The following BRSK1 variants were observed in gnomAD, a reference collection of about 807,000 sequenced individuals.
BRSK1 encodes the protein BR serine/threonine kinase 1.
Under a neutral mutation model 86.2 loss-of-function variants are expected in BRSK1, and 17 were observed. That is an observed-to-expected ratio of 0.20 (90% CI 0.14 to 0.30). The LOEUF is 0.30. BRSK1 is among the 10% of genes least tolerant of loss of function. The pLI is 1.00. For missense variants in BRSK1, 719 were observed against 1,071.9 expected, an observed-to-expected ratio of 0.67 and a Z score of 4.60; for synonymous variants, 464 against 440.1, an observed-to-expected ratio of 1.05 and a Z score of -0.68.
intron 7 of BRSK1, among the ~76,000 whole-genome samples, chr19:55,300,026 C>T (rs895828573): frequency 1.3e-5 from 2 of 152,248 alleles, no homozygotes; most frequent in African/African-American, 2.4e-5. Flanking sequence ...CCTCCCGTCC[C>T]GTATGATACG....
chr19:55,284,203 C>T lies in BRSK1; in HGVS notation c.-240C>T, dbSNP rs1194471862. 4.0e-6 allele frequency: 3 copies of T among 759,394 alleles called. No homozygotes were observed. Among genetic ancestry groups the T allele is most frequent in the South Asian group, 6.6e-5 (1 of 15,172 alleles). The allele number at this position is 759,394 out of a possible 1,614,324, so 47.0% of individuals were successfully genotyped here. On this transcript the variant is annotated 5_prime_UTR_variant, in exon 1 of 19. Coordinates refer to ENST00000309383, the MANE Select transcript of BRSK1 (RefSeq NM_032430.2). Reference sequence around the variant, plus strand: ...GAAACGGGCTGGGGAGGGGGGGCCCCGCAGCCCCCCTGGGCCATGCTGACT... The same window carrying T: ...GAAACGGGCTGGGGAGGGGGGGCCCTGCAGCCCCCCTGGGCCATGCTGACT...
Position 55,301,941 on chromosome 19 carries a change from G to A in BRSK1, c.826-196G>A, listed in dbSNP as rs896309667. ...TGCGGCAAAGTAATGCGGCCGGTCCGGGGTACACGGAGACCGCGCGTGCGC... is the reference window on the plus strand; with the variant it reads ...TGCGGCAAAGTAATGCGGCCGGTCCAGGGTACACGGAGACCGCGCGTGCGC... On this transcript the variant is annotated intron_variant, in intron 8 of 18. Transcript: ENST00000309383. 29 of 822,978 alleles carry A rather than the reference G, an allele frequency of 3.5e-5. No homozygotes were observed. In the South Asian group the frequency reaches 4.1e-4, roughly 12 times the overall value. The allele number at this position is 822,978 out of a possible 1,614,324, so 51.0% of individuals were successfully genotyped here.
Position 55,302,774 on chromosome 19 carries a change from A to G in BRSK1, c.935A>G (p.Asn312Ser). 6.2e-7 allele frequency: 1 copy of G among 1,613,814 alleles called. No homozygotes were observed. The highest frequency in any genetic ancestry group is 8.5e-7 in the Non-Finnish European group (1 of 1,179,948). Residue 312 changes from asparagine (N) to serine (S), a missense_variant, in exon 10 of 19, where the codon AAC becomes AGC. Transcript: ENST00000309383. This position sits in a 1 kb window ranked among gnomAD's most constrained non-coding sequence, Gnocchi z 6.3. ...RRVAMRSLPSNGELDPDVLES... is the reference protein window; with the variant it reads ...RRVAMRSLPSSGELDPDVLES... ...GTAGCCATGCGGAGCCTGCCATCCA[A>G]CGGAGAGCTGGACCCCGACGTCCTA...
chr19:55,308,077 A>G (rs1266269431), intron 17 of BRSK1, among the ~76,000 whole-genome samples: 2 of 149,288 alleles, frequency 1.3e-5, no homozygotes, highest in South Asian at 2.1e-4. Context: ...CTGGAGTGCA[A>G]TGGCGTGATC....
At chr19:55,296,295 C>T (rs1235027840) in intron 7 of BRSK1, among the ~76,000 whole-genome samples, 2 of 152,160 alleles carry the variant, frequency 1.3e-5, no homozygotes, top group Admixed American at 6.5e-5. Flanking sequence ...AGGTCAGGGC[C>T]GATGTCTGGG....
At position 55,287,165 on chromosome 19, in the gene BRSK1, G is replaced by T. The variant is rs571400619; in HGVS notation, c.232-49G>T. 7.4e-6 allele frequency: 12 copies of T among 1,612,162 alleles called. No homozygotes were observed. In the South Asian group the frequency reaches 1.2e-4, roughly 16 times the overall value. ...GCCTCCGGGGCTGAGGGCAGGGGCG[G>T]GGCCGTGCTGACCTCTTTTCCCGTG... On this transcript the variant is annotated intron_variant, in intron 2 of 18. Transcript: ENST00000309383. The surrounding 1 kb of genome is among the most constrained non-coding windows in gnomAD (Gnocchi z 5.3).
At chr19:55,300,217 G>A (rs1210285936) in intron 7 of BRSK1, among the ~76,000 whole-genome samples, 1 of 152,144 alleles carries the variant, frequency 6.6e-6, no homozygotes, top group Non-Finnish European at 1.5e-5. Context: ...GCAGGATGTG[G>A]TGGGGTCTAT....
At chr19:55,296,690 C>CA (rs1383620889) in intron 7 of BRSK1, among the ~76,000 whole-genome samples, 2 of 151,788 alleles carry the variant, frequency 1.3e-5, no homozygotes, top group Admixed American at 1.3e-4. Context: ...ACTAAAAATA[C>CA]AAAAAAAATT....
chr19:55,303,361 G>A lies in BRSK1; in HGVS notation c.1079G>A (p.Arg360Gln). 6.2e-7 allele frequency: 1 copy of A among 1,613,976 alleles called. No homozygotes were observed. The highest frequency in any genetic ancestry group is 8.5e-7 in the Non-Finnish European group (1 of 1,180,000). ...IYYLLLDRKERYPSCEDQDLP... is the reference protein window; with the variant it reads ...IYYLLLDRKEQYPSCEDQDLP... The stretch of plus-strand genomic sequence containing the variant: ...TATCTGCTTTTGGATCGGAAGGAGC[G>A]GTATCCCAGCTGTGAGGACCAGGAC... Residue 360 changes from arginine to glutamine, a missense_variant, in exon 11 of 19, where the codon CGG (arginine) becomes CAG (glutamine). By Grantham distance (43) the Arg-to-Gln change is conservative. Around this residue, in one of 6 missense-constraint regions of BRSK1, gnomAD observed 168 missense variants for 246.3 expected, o/e 0.68. Coordinates refer to ENST00000309383, the MANE Select transcript of BRSK1 (RefSeq NM_032430.2). The surrounding 1 kb of genome is among the most constrained non-coding windows in gnomAD (Gnocchi z 5.1).
rs577719861 is a variant in BRSK1 at position 55,302,371 on chromosome 19, C to T, written c.857+203C>T. On this transcript the variant is annotated intron_variant, in intron 9 of 18. Transcript: ENST00000309383. This position sits in a 1 kb window ranked among gnomAD's most constrained non-coding sequence, Gnocchi z 6.3. The stretch of plus-strand genomic sequence containing the variant: ...AGGCAGGAGGGGCTAAGCTAGGAGT[C>T]CAGGACTCCCAGGTTTGAGGGAAAA... The T allele has an allele frequency of 2.1e-4, 133 of 643,636 alleles. No homozygotes were observed. The African/African-American group carries it at 2.3e-3, about 11-fold the overall frequency. The allele number at this position is 643,636 out of a possible 1,614,324, so 39.9% of individuals were successfully genotyped here. A position where few individuals can be genotyped will look rare whatever the true frequency, so the allele number is the denominator to read the frequency against.
chr19:55,309,758 G>T (rs1333715927), intron 18 of BRSK1, among the ~76,000 whole-genome samples: 2 of 152,212 alleles, frequency 1.3e-5, no homozygotes, highest in African/African-American at 2.4e-5. Flanking sequence ...AGCATAAGGG[G>T]CACTCGCCCA....
chr19:55,312,014 A>T lies in BRSK1; in HGVS notation c.2283A>T (p.Arg761=), dbSNP rs2088810772. 1 of 1,462,868 alleles carries T rather than the reference A, an allele frequency of 6.8e-7. No individual in the cohort carries two copies. The allele number at this position is 1,462,868 out of a possible 1,614,324, so 90.6% of individuals were successfully genotyped here. The change falls in exon 19 of 19, where the codon CGA becomes CGT. Residue 761 remains arginine (R), a synonymous_variant. Coordinates refer to ENST00000309383, the MANE Select transcript of BRSK1 (RefSeq NM_032430.2). Reference sequence around the variant, plus strand: ...CAGAGCTGAGCAGCTCTCCCCGCCGAGGCCCCCCCAAGGACAAGAAGCTCC... The same window carrying T: ...CAGAGCTGAGCAGCTCTCCCCGCCGTGGCCCCCCCAAGGACAAGAAGCTCC... The part of the protein sequence containing the change: ...PDPELSSSPR[R]GPPKDKKLLA...
chr19:55,300,199 G>A (rs1480872626), intron 7 of BRSK1, among the ~76,000 whole-genome samples: 7 of 152,260 alleles, frequency 4.6e-5, no homozygotes, highest in Non-Finnish European at 8.8e-5. Context: ...TGGTGGCTAC[G>A]TCAGAATGCA....
intron 4 of BRSK1, among the ~76,000 whole-genome samples, chr19:55,293,261 C>T (rs4806658): frequency 0.28 from 43,116 of 151,930 alleles, 6,718 homozygotes; most frequent in South Asian, 0.46. Flanking sequence ...TTCTTGAACC[C>T]GGGAGGTTGT....
At position 55,303,162 on chromosome 19, in the gene BRSK1, C is replaced by CATA; in HGVS notation, c.1029-149_1029-148insATA. ...TGAGTGAAACACAGCTGAGATGTAC[C>CATA]CTAAACCAGAGAAACTGACCATACT... On this transcript the variant is annotated intron_variant, in intron 10 of 18. Transcript: ENST00000309383. The surrounding 1 kb of genome is among the most constrained non-coding windows in gnomAD (Gnocchi z 5.1). 1.5e-6 allele frequency: 1 copy of CATA among 683,882 alleles called. No individual in the cohort carries two copies. Among genetic ancestry groups the CATA allele is most frequent in the Non-Finnish European group, 2.5e-6 (1 of 402,556 alleles). The allele number at this position is 683,882 out of a possible 1,614,324, so 42.4% of individuals were successfully genotyped here.
chr19:55,289,722 C>T, intron 4 of BRSK1, 102 bp downstream of exon 4: 1 of 1,442,030 alleles, frequency 6.9e-7, no homozygotes, highest in Non-Finnish European at 9.3e-7. Flanking sequence ...GGTCGGCCCC[C>T]AAACCTTTAT....
chr19:55,311,712 G>T (rs942433324), intron 18 of BRSK1, among the ~76,000 whole-genome samples, 199 bp from the exon 19 acceptor site: 3 of 152,168 alleles, frequency 2.0e-5, no homozygotes, highest in African/African-American at 7.2e-5. Flanking sequence ...GGGGAGTCAG[G>T]CCTTGCCACT....
rs565942869 is a variant in BRSK1, at chr19:55,301,670, G to C, written c.825+12G>C. 3.1e-6 allele frequency: 5 copies of C among 1,610,524 alleles called. No individual in the cohort carries two copies. The highest frequency in any genetic ancestry group is 3.4e-6 in the Non-Finnish European group (4 of 1,178,484). On this transcript the variant is annotated intron_variant, in intron 8 of 18. Coordinates refer to ENST00000309383, the MANE Select transcript of BRSK1 (RefSeq NM_032430.2). ...AAAAAAGGCTCAGTGTGAGTTGAGG[G>C]GGGGACCGGCGGAGGGGGGAACAGT...
At chr19:55,311,823 G>A (rs1035510062) in intron 18 of BRSK1, 88 bp from the exon 19 acceptor site, 9 of 1,415,996 alleles carry the variant, frequency 6.4e-6, no homozygotes, top group African/African-American at 5.7e-5. Context: ...GAGACCGACT[G>A]ATGAGGAGAC....
Sources: allele counts gnomAD v4.1 joint callset (sites outside exome capture counted in the v4.1 genomes callset), GRCh38; gene constraint gnomAD v4.1.1; regional missense constraint gnomAD v4.1.1; non-coding constraint Gnocchi (gnomAD v3.1); transcripts MANE v1.5; gene names NCBI Gene and HGNC (gene_info 2026-07-23, HGNC 2026-07-21).